GAS6: variants seen among roughly 807,000 people sequenced by gnomAD.
The protein encoded by GAS6 is growth arrest specific 6, also known as growth arrest-specific protein 6.
A neutral mutation model predicts 75.8 loss-of-function variants in GAS6; 41 were observed. That is an observed-to-expected ratio of 0.54 (90% confidence interval 0.42 to 0.70). The LOEUF is 0.70. GAS6 is among the 30% of genes least tolerant of loss of function. The pLI, the probability that GAS6 is intolerant of heterozygous loss-of-function variation, is 0.00. For missense variants in GAS6, 854 were observed against 940.2 expected, an observed-to-expected ratio of 0.91 and a Z score of 1.20; for synonymous variants, 432 against 412.6, an observed-to-expected ratio of 1.05 and a Z score of -0.57.
rs957704728 is a variant in GAS6, at chr13:113,863,966, A to AGCCGCGGGC, written c.-55_-47dup. 1 of 1,038,522 alleles carries AGCCGCGGGC rather than the reference A, an allele frequency of 9.6e-7. No homozygotes were observed. The highest frequency in any genetic ancestry group is 4.4e-5 in the South Asian group (1 of 22,614). The allele number at this position is 1,038,522 out of a possible 1,614,324, so 64.3% of individuals were successfully genotyped here. A position where few individuals can be genotyped will look rare whatever the true frequency, so the allele number is the denominator to read the frequency against. ...TCAGAGCGCCCGGGAGGCCGAGGCG[A>AGCCGCGGGC]GCCGCGGGCGCCGCGGGGCGGAGGC... On this transcript the variant is annotated 5_prime_UTR_variant, in exon 1 of 15. Coordinates refer to ENST00000327773, the MANE Select transcript of GAS6 (RefSeq NM_000820.4). This position sits in a 1 kb window ranked among gnomAD's most constrained non-coding sequence, Gnocchi z 9.4.
chr13:113,830,856 C>T (rs1033344558), intron 10 of GAS6, among the ~76,000 whole-genome samples: 1 of 152,276 alleles, frequency 6.6e-6, no homozygotes, highest in African/African-American at 2.4e-5. Context: ...CTGGGGCCCT[C>T]CTCCCCGGGG....
chr13:113,824,778 C>A (rs1301843875), intron 12 of GAS6, among the ~76,000 whole-genome samples: 3 of 152,178 alleles, frequency 2.0e-5, no homozygotes. Flanking sequence ...CACATCAGTT[C>A]TCAACAACCA....
In GAS6 at chr13:113,837,255, A is replaced by C. The variant is rs569488594; in HGVS notation, c.589+814T>G. Among the ~76,000 whole-genome samples the C allele has an allele frequency of 6.1e-4, 93 of 152,180 alleles. No homozygotes were observed. Among genetic ancestry groups the C allele is most frequent in the African/African-American group, 1.9e-3 (80 of 41,510 alleles). On this transcript the variant is annotated intron_variant, in intron 6 of 14. Transcript: ENST00000327773. The surrounding 1 kb of genome is among the most constrained non-coding windows in gnomAD (Gnocchi z 5.1). ...AACCACCAAAGTGGACAGAAATAGC[A>C]GCTGCCTTTTGAAATCGGGGGATGG...
At position 113,820,884 on chromosome 13, in the gene GAS6, CG is replaced by C. The variant is rs371833945; in HGVS notation, c.2016del (p.Val673TrpfsTer85). 4 of 1,610,914 alleles carry C rather than the reference CG, an allele frequency of 2.5e-6. No homozygotes were observed. Among genetic ancestry groups the C allele is most frequent in the Middle Eastern group, 1.8e-4 (1 of 5,504 alleles). The stretch of plus-strand genomic sequence containing the variant: ...GGGGCCTAGGCTGCGGCGGGCTCCA[CG>C]GGGGGGCAGGAGTGGGCCGTGATGT... ...HSDITAHSCP[P>X]VEPAAA On this transcript the variant is annotated frameshift_variant, in exon 15 of 15. Coordinates refer to ENST00000327773, the MANE Select transcript of GAS6 (RefSeq NM_000820.4). LOFTEE classifies it low-confidence loss of function (END_TRUNC).
chr13:113,863,550 C>T lies in GAS6; in HGVS notation c.255+25G>A. On this transcript the variant is annotated intron_variant, in intron 2 of 14. Transcript: ENST00000327773. This position sits in a 1 kb window ranked among gnomAD's most constrained non-coding sequence, Gnocchi z 9.4. ...GGCGCGCGGGCGCCAGGGGTTCCCC[C>T]GCATCCCGCCCGCCGGCTGCTCACC... is the stretch of plus-strand genomic sequence containing the variant. 6.7e-6 allele frequency: 10 copies of T among 1,497,250 alleles called. No homozygotes were observed. The highest frequency in any genetic ancestry group is 8.0e-6 in the Non-Finnish European group (9 of 1,128,462). 92.7% of individuals were successfully genotyped at this position (1,497,250 alleles called of 1,614,324 possible).
chr13:113,839,466 A>C (rs2051752568), intron 5 of GAS6: 2 of 424,874 alleles, frequency 4.7e-6, no homozygotes, highest in African/African-American at 4.2e-5. Flanking sequence ...GTCAGAGGTG[A>C]AATTTCCCCC....
intron 8 of GAS6, chr13:113,833,477 C>T: frequency 1.0e-6 from 1 of 990,428 alleles, no homozygotes; most frequent in Non-Finnish European, 1.2e-6. Flanking sequence ...AATGCTCACT[C>T]TCATCAACCC....
At chr13:113,834,840 G>A in intron 7 of GAS6, 168 bp from the exon 8 acceptor site, 1 of 627,344 alleles carries the variant, frequency 1.6e-6, no homozygotes, top group Middle Eastern at 4.9e-4. Flanking sequence ...GGAAAGCTAG[G>A]TTGCACCCTC....
intron 2 of GAS6, among the ~76,000 whole-genome samples, chr13:113,855,232 A>C (rs1391635568): frequency 6.6e-6 from 1 of 152,222 alleles, no homozygotes; most frequent in East Asian, 1.9e-4. Context: ...CTTGGACCCA[A>C]GTTCACCTTT....
intron 3 of GAS6, among the ~76,000 whole-genome samples, chr13:113,847,275 TC>T (rs1191953046): frequency 6.6e-6 from 1 of 152,260 alleles, no homozygotes; most frequent in African/African-American, 2.4e-5. Flanking sequence ...GCCTGGGCTT[TC>T]TGGGCCAGTG....
intron 2 of GAS6, among the ~76,000 whole-genome samples, chr13:113,853,400 C>T (rs2051891183): frequency 6.6e-6 from 1 of 152,264 alleles, no homozygotes; most frequent in South Asian, 2.1e-4. Context: ...CAGTGAGGAT[C>T]AGAGGTCAGT....
At chr13:113,826,423 T>TC (rs1566354484) in intron 12 of GAS6, among the ~76,000 whole-genome samples, 28 of 90,444 alleles carry the variant, frequency 3.1e-4, no homozygotes, top group Middle Eastern at 6.2e-3. Context: ...CTCCCGGCGC[T>TC]GGCCTCGCAG....
At chr13:113,823,988 G>T in intron 12 of GAS6, among the ~76,000 whole-genome samples, 1 of 152,216 alleles carries the variant, frequency 6.6e-6, no homozygotes, top group African/African-American at 2.4e-5. Context: ...GCCCAGTGGG[G>T]GCTGAGAGTT....
intron 2 of GAS6, among the ~76,000 whole-genome samples, chr13:113,856,715 C>G (rs150558499): frequency 3.9e-4 from 60 of 152,356 alleles, no homozygotes; most frequent in African/African-American, 1.4e-3. Flanking sequence ...TGAACAGTAT[C>G]TTCCAGGTGT....
At chr13:113,827,792 A>G (rs11842990) in intron 11 of GAS6, among the ~76,000 whole-genome samples, 18,796 of 152,210 alleles carry the variant, frequency 0.12, 2,760 homozygotes, top group African/African-American at 0.36. Flanking sequence ...AGACGTCAGC[A>G]CGTGGGGGCT....
At chr13:113,835,052 G>T (rs1187640970) in intron 7 of GAS6, among the ~76,000 whole-genome samples, 1 of 152,246 alleles carries the variant, frequency 6.6e-6, no homozygotes, top group Non-Finnish European at 1.5e-5. Context: ...ATGGAGGTCA[G>T]TGCAGGCAGC....
chr13:113,850,370 ACT>A lies in GAS6; in HGVS notation c.256-2322_256-2321del, dbSNP rs143037993. 5.1e-3 allele frequency among the ~76,000 whole-genome samples: 772 copies of A among 151,974 alleles called. 8 individuals are homozygous for A. Among genetic ancestry groups the A allele is most frequent in the African/African-American group, 0.018 (748 of 41,462 alleles). The stretch of plus-strand genomic sequence containing the variant: ...CCAGGAGCTCCTTATGTACACACTG[ACT>A]CTCTTTCTTCTAAACCTAGGAAGAG... On this transcript the variant is annotated intron_variant, in intron 2 of 14. Coordinates refer to ENST00000327773, the MANE Select transcript of GAS6 (RefSeq NM_000820.4).
intron 2 of GAS6, among the ~76,000 whole-genome samples, chr13:113,854,070 C>T (rs1358621578): frequency 6.6e-6 from 1 of 152,148 alleles, no homozygotes; most frequent in African/African-American, 2.4e-5. Context: ...CCCGGCATGC[C>T]CATCTGCACC....
In GAS6 at chr13:113,829,137, G is replaced by A. The variant is rs74572940; in HGVS notation, c.1144-426C>T. 1.3e-3 allele frequency among the ~76,000 whole-genome samples: 63 copies of A among 47,228 alleles called. 1 individual carries two copies. The highest frequency in any genetic ancestry group is 2.2e-3 in the Admixed American group (10 of 4,640). The allele number at this position is 47,228 out of a possible 152,430, so 31.0% of individuals were successfully genotyped here. On this transcript the variant is annotated intron_variant, in intron 10 of 14. Transcript: ENST00000327773. ...TCCTCACCTGGGCCAAGAGGGTCCC[G>A]ACCTCAGGGAGACCACCTGATCCTC...
Sources: allele counts gnomAD v4.1 joint callset (sites outside exome capture counted in the v4.1 genomes callset), GRCh38; gene constraint gnomAD v4.1.1; non-coding constraint Gnocchi (gnomAD v3.1); transcripts MANE v1.5; gene names NCBI Gene and HGNC (gene_info 2026-07-23, HGNC 2026-07-21).